LRRC7: variants seen among roughly 807,000 people sequenced by gnomAD.
LRRC7 encodes leucine-rich repeat-containing protein 7.
Under a neutral mutation model 175.7 loss-of-function variants are expected in LRRC7, and 23 were observed. That is an observed-to-expected ratio of 0.13 (90% CI 0.09 to 0.19). The LOEUF (loss-of-function observed/expected upper bound fraction) is 0.19. Among genes scored for constraint, LRRC7 ranks in the 10% least tolerant of loss-of-function variants. The probability of loss-of-function intolerance (pLI) is 1.00; values close to 1 mark genes in which losing one functional copy is unlikely to be tolerated. For missense variants in LRRC7, 1,354 were observed against 1,904.7 expected (o/e 0.71, Z 5.38); for synonymous variants, 685 against 680.9 (o/e 1.01, Z -0.09).
At chr1:69,748,709 T>A (rs1669513138) in intron 2 of LRRC7, among the ~76,000 whole-genome samples, 1 of 152,104 alleles carries the variant, frequency 6.6e-6, no homozygotes, top group African/African-American at 2.4e-5. Context: ...GATCTTAAGG[T>A]GTAAGAACAT....
chr1:69,600,677 C>G (rs1208166455), intron 1 of LRRC7, among the ~76,000 whole-genome samples: 1 of 152,018 alleles, frequency 6.6e-6, no homozygotes, highest in African/African-American at 2.4e-5. Context: ...TTGACTTTCC[C>G]CATGCTTTTT....
intron 7 of LRRC7, among the ~76,000 whole-genome samples, chr1:69,890,441 G>C (rs536899551): frequency 6.6e-6 from 1 of 152,278 alleles, no homozygotes; most frequent in South Asian, 2.1e-4. Context: ...TGTAAACAGA[G>C]GTGTTGTCAT....
At chr1:69,856,587 C>T (rs900280348) in intron 7 of LRRC7, among the ~76,000 whole-genome samples, 2 of 152,140 alleles carry the variant, frequency 1.3e-5, no homozygotes, top group African/African-American at 4.8e-5. Flanking sequence ...CCTGAATAGA[C>T]CAATAACAGG....
At chr1:70,004,146 A>G (rs911858251) in intron 11 of LRRC7, among the ~76,000 whole-genome samples, 4 of 152,218 alleles carry the variant, frequency 2.6e-5, no homozygotes, top group African/African-American at 9.6e-5. Context: ...TTTCAGAGGT[A>G]AAATCTAGAT....
intron 7 of LRRC7, chr1:69,874,631 T>C (rs1234023134): frequency 1.3e-5 from 2 of 152,118 alleles, no homozygotes; most frequent in Non-Finnish European, 2.9e-5. Context: ...AAAGAAACAT[T>C]TTTTTGTAAA....
At chr1:69,568,752 CAGGGCGGG>C in intron 1 of LRRC7, 111 bp downstream of exon 1, 3 of 615,464 alleles carry the variant, frequency 4.9e-6, no homozygotes, top group South Asian at 2.8e-5. Context: ...GCGGGGGTGG[CAGGGCGGG>C]AGGCTTCGGC....
At chr1:69,597,715 T>C (rs1646898614) in intron 1 of LRRC7, among the ~76,000 whole-genome samples, 1 of 152,194 alleles carries the variant, frequency 6.6e-6, no homozygotes, top group Admixed American at 6.5e-5. Flanking sequence ...TGGATGTAGA[T>C]ACAAAGTAGA....
At chr1:69,916,274 TATATATC>T (rs1646713492) in intron 7 of LRRC7, among the ~76,000 whole-genome samples, 1 of 133,972 alleles carries the variant, frequency 7.5e-6, no homozygotes, top group South Asian at 2.1e-4. Flanking sequence ...AAAATATAAA[TATATATC>T]ATATATATTA....
Position 69,948,189 on chromosome 1 carries a change from AT to A in LRRC7, c.711+16621del, listed in dbSNP as rs548194841. Among the ~76,000 whole-genome samples, 542 of 152,312 alleles carry A rather than the reference AT, an allele frequency of 3.6e-3. 3 individuals carry two copies. Among genetic ancestry groups the A allele is most frequent in the African/African-American group, 0.013 (525 of 41,588 alleles). On this transcript the variant is annotated intron_variant, in intron 8 of 26. Coordinates refer to ENST00000651989, the MANE Select transcript of LRRC7 (RefSeq NM_001370785.2). ...GGAATTTTCCATTTAATATTTTCAGATTATGGTTGAACACTGGTAACTAAAA... is the reference window on the plus strand; with the variant it reads ...GGAATTTTCCATTTAATATTTTCAGATATGGTTGAACACTGGTAACTAAAA...
chr1:70,112,224 A>G (rs920917310), intron 26 of LRRC7, among the ~76,000 whole-genome samples: 7 of 152,194 alleles, frequency 4.6e-5, no homozygotes, highest in African/African-American at 1.4e-4. Context: ...CAGAGTCATT[A>G]TTATTGCACT....
chr1:70,038,801 A>T lies in LRRC7; in HGVS notation c.2977A>T (p.Ile993Phe), dbSNP rs755440263. 9 of 1,614,096 alleles carry T rather than the reference A, an allele frequency of 5.6e-6. No individual in the cohort carries two copies. The highest frequency in any genetic ancestry group is 1.7e-5 in the Admixed American group (1 of 60,010). The change falls in exon 21 of 27, where the codon ATT becomes TTT. Residue 993 changes from isoleucine (I) to phenylalanine (F), a missense_variant. Around this residue, in one of 4 missense-constraint regions of LRRC7, gnomAD observed 1,032 missense variants for 1,227.2 expected, o/e 0.84. Coordinates refer to ENST00000651989, the MANE Select transcript of LRRC7 (RefSeq NM_001370785.2). The part of the protein sequence containing the change: ...KKSQSIDEID[I>F]GTYKVYNIPL... ...GTCACAGAGTATCGATGAGATTGACATTGGTACATATAAGGTGTATAACAT... is the reference window on the plus strand; with the variant it reads ...GTCACAGAGTATCGATGAGATTGACTTTGGTACATATAAGGTGTATAACAT...
rs1417392732 is a variant in LRRC7, at chr1:70,016,540, AG to A, written c.1320+8del. On this transcript the variant is annotated splice_region_variant and intron_variant, in intron 14 of 26. Transcript: ENST00000651989. The stretch of plus-strand genomic sequence containing the variant: ...TGTGGCTTTCTGACAATCAGGTAAA[AG>A]GTTTTATTGCCTGATTTATTTATTA... 1 of 1,556,122 alleles carries A rather than the reference AG, an allele frequency of 6.4e-7. No homozygotes were observed. The highest frequency in any genetic ancestry group is 1.4e-5 in the African/African-American group (1 of 72,160).
intron 25 of LRRC7, among the ~76,000 whole-genome samples, chr1:70,090,154 G>A (rs964954867): frequency 3.9e-5 from 6 of 152,082 alleles, no homozygotes; most frequent in African/African-American, 1.4e-4. Flanking sequence ...CTAACAAGTT[G>A]TTTCCAAAGG....
At chr1:70,035,295 C>T (rs1659187432) in intron 18 of LRRC7, among the ~76,000 whole-genome samples, 2 of 152,016 alleles carry the variant, frequency 1.3e-5, no homozygotes, top group South Asian at 4.2e-4. Context: ...TTTACCTTCC[C>T]CTAATGCTCT....
chr1:70,017,472 C>T (rs1012820107), intron 14 of LRRC7, among the ~76,000 whole-genome samples: 3 of 152,006 alleles, frequency 2.0e-5, no homozygotes, highest in African/African-American at 7.2e-5. Context: ...TAATGATAGA[C>T]AATTTTTATA....
chr1:69,610,680 A>G (rs1044607266), intron 1 of LRRC7, among the ~76,000 whole-genome samples: 1 of 152,052 alleles, frequency 6.6e-6, no homozygotes, highest in Non-Finnish European at 1.5e-5. Flanking sequence ...TACATAGGAC[A>G]TTTTTAAGAG....
Position 70,138,412 on chromosome 1 carries a change from C to CT in LRRC7, c.*16532dup, listed in dbSNP as rs1284223806. On this transcript the variant is annotated 3_prime_UTR_variant, in exon 27 of 27. Transcript: ENST00000651989. ...AGACATCATTATTCTACTTAAAAGT[C>CT]TTTTTTTAAAATTCCAAATACTTGT... is the stretch of plus-strand genomic sequence containing the variant. 8 of 152,072 alleles carry CT rather than the reference C, an allele frequency of 5.3e-5. No homozygotes were observed. The highest frequency in any genetic ancestry group is 9.7e-5 in the African/African-American group (4 of 41,412). The allele number at this position is 152,072 out of a possible 1,614,324, so 9.4% of individuals were successfully genotyped here.
chr1:69,570,743 A>G (rs1645708818), intron 1 of LRRC7, among the ~76,000 whole-genome samples: 1 of 152,158 alleles, frequency 6.6e-6, no homozygotes, highest in African/African-American at 2.4e-5. Context: ...TTTAGAAATC[A>G]TTGATTGCAC....
At chr1:69,760,745 T>G (rs1036018607) in intron 3 of LRRC7, among the ~76,000 whole-genome samples, 29 of 152,130 alleles carry the variant, frequency 1.9e-4, no homozygotes, top group African/African-American at 7.0e-4. Flanking sequence ...AACTGAAAAT[T>G]TCTATGTTGT....
Sources: allele counts gnomAD v4.1 joint callset (sites outside exome capture counted in the v4.1 genomes callset), GRCh38; gene constraint gnomAD v4.1.1; regional missense constraint gnomAD v4.1.1; transcripts MANE v1.5; gene names NCBI Gene and HGNC (gene_info 2026-07-23, HGNC 2026-07-21).